MOXD1: variants seen among roughly 807,000 people sequenced by gnomAD.
MOXD1 encodes monooxygenase DBH like 1, also known as DBH-like monooxygenase protein 1.
Under a neutral mutation model 66.6 loss-of-function variants are expected in MOXD1, and 62 were observed. That is an observed-to-expected ratio of 0.93 (90% confidence interval 0.76 to 1.15). The LOEUF is 1.15. MOXD1 is among the 50% of genes most tolerant of loss of function. MOXD1 has a pLI of 0.00. For missense variants in MOXD1, 847 were observed against 754.6 expected (o/e 1.12, Z -1.44); for synonymous variants, 303 against 281.9 (o/e 1.07, Z -0.75).
chr6:132,347,186 A>C (rs1205755863), intron 4 of MOXD1, among the ~76,000 whole-genome samples: 1 of 152,184 alleles, frequency 6.6e-6, no homozygotes, highest in African/African-American at 2.4e-5. Flanking sequence ...GAAGAAATTA[A>C]CACGTATTCT....
At position 132,372,666 on chromosome 6, in the gene MOXD1, G is replaced by T; in HGVS notation, c.605C>A (p.Thr202Lys). ...QDVPIPNKDT[T>K]YWCQMFKIPV... ...AATCTTAAACATTTGGCACCAATAT[G>T]TTGTATCTTTGTTTGGGATGGGGAC... The change falls in exon 4 of 12, where the codon ACA (threonine) becomes AAA (lysine). Residue 202 changes from threonine (T) to lysine (K), a missense_variant. Coordinates refer to ENST00000367963, the MANE Select transcript of MOXD1 (RefSeq NM_015529.4). The T allele has an allele frequency of 6.2e-7, 1 of 1,613,922 alleles. No homozygotes were observed. The highest frequency in any genetic ancestry group is 8.5e-7 in the Non-Finnish European group (1 of 1,179,840).
chr6:132,392,445 A>G (rs1218099975), intron 1 of MOXD1: 3 of 1,255,892 alleles, frequency 2.4e-6, no homozygotes, highest in Non-Finnish European at 3.2e-6. Context: ...CTCAGCATTC[A>G]TCGGCTGCAT....
chr6:132,395,169 A>G (rs922042869), intron 1 of MOXD1, among the ~76,000 whole-genome samples: 1 of 152,170 alleles, frequency 6.6e-6, no homozygotes, highest in Non-Finnish European at 1.5e-5. Context: ...AAAGGAAAAA[A>G]AACTGCCAAC....
intron 9 of MOXD1, 64 bp from the exon 10 acceptor site, chr6:132,315,841 A>T (rs916026992): frequency 5.6e-5 from 85 of 1,508,152 alleles, no homozygotes; most frequent in Non-Finnish European, 7.8e-5. Flanking sequence ...TAAAGCACAC[A>T]AGTCATTAAT....
intron 1 of MOXD1, among the ~76,000 whole-genome samples, chr6:132,381,044 T>A (rs1048093404): frequency 1.3e-5 from 2 of 152,108 alleles, no homozygotes; most frequent in Non-Finnish European, 2.9e-5. Context: ...AAGAAAAAAA[T>A]AGATCTAAGA....
At chr6:132,394,524 C>G (rs903246763) in intron 1 of MOXD1, among the ~76,000 whole-genome samples, 10 of 152,068 alleles carry the variant, frequency 6.6e-5, no homozygotes, top group Middle Eastern at 3.4e-3. Flanking sequence ...TTTAAAGAAG[C>G]TCAGTAAGAC....
intron 9 of MOXD1, among the ~76,000 whole-genome samples, chr6:132,316,932 G>C (rs1446339430): frequency 6.6e-6 from 1 of 151,762 alleles, no homozygotes; most frequent in Non-Finnish European, 1.5e-5. Flanking sequence ...ACAGACCCAA[G>C]AAGCTCAACA....
intron 1 of MOXD1, among the ~76,000 whole-genome samples, chr6:132,392,862 G>A (rs563423148): frequency 2.7e-4 from 41 of 152,290 alleles, no homozygotes; most frequent in African/African-American, 9.1e-4. Context: ...AGTCAAAAAG[G>A]TTAAAATGGG....
At chr6:132,301,852 G>A (rs1237509229) in intron 10 of MOXD1, among the ~76,000 whole-genome samples, 3 of 152,080 alleles carry the variant, frequency 2.0e-5, no homozygotes. Context: ...ACAGAACTAT[G>A]ATCCCCAAAA....
At chr6:132,303,996 T>C (rs1774631799) in intron 10 of MOXD1, among the ~76,000 whole-genome samples, 1 of 150,976 alleles carries the variant, frequency 6.6e-6, no homozygotes, top group Admixed American at 6.6e-5. Flanking sequence ...AAACAGAAAA[T>C]CTTGAGATAG....
intron 10 of MOXD1, among the ~76,000 whole-genome samples, chr6:132,303,860 T>TAC (rs1774624066): frequency 1.3e-5 from 1 of 74,388 alleles, no homozygotes; most frequent in Admixed American, 1.2e-4. Context: ...TATATATATA[T>TAC]ATATATATAT....
intron 7 of MOXD1, 84 bp from the exon 8 acceptor site, chr6:132,322,954 A>T: frequency 8.4e-7 from 1 of 1,194,382 alleles, no homozygotes; most frequent in Non-Finnish European, 1.2e-6. Context: ...TTGGAGGGAC[A>T]ACTGAGATAA....
In MOXD1 at chr6:132,372,979, T is replaced by A; in HGVS notation, c.430A>T (p.Ile144Phe). Residue 144 changes from isoleucine (I) to phenylalanine (F), a missense_variant, in exon 3 of 12, where the codon ATC (isoleucine) becomes TTC (phenylalanine). By Grantham distance (21) the Ile-to-Phe change is conservative. Transcript: ENST00000367963. ...GCATCTTCATGGTGGTAGGCCCAGATCACTCTCACAGTGCTATCCTGGGGA... is the reference window on the plus strand; with the variant it reads ...GCATCTTCATGGTGGTAGGCCCAGAACACTCTCACAGTGCTATCCTGGGGA... ...KSITDSTVRV[I>F]WAYHHEDAGE... is the part of the protein sequence containing the mutation. 6.2e-7 allele frequency: 1 copy of A among 1,613,724 alleles called. No homozygotes were observed. Among genetic ancestry groups the A allele is most frequent in the South Asian group, 1.1e-5 (1 of 91,024 alleles).
chr6:132,331,012 G>T (rs775458615), intron 4 of MOXD1, among the ~76,000 whole-genome samples: 3 of 152,150 alleles, frequency 2.0e-5, no homozygotes, highest in African/African-American at 7.2e-5. Flanking sequence ...GTCTCTAAAA[G>T]GTCGTGTGGC....
At chr6:132,312,404 C>A (rs892477719) in intron 10 of MOXD1, among the ~76,000 whole-genome samples, 7 of 152,074 alleles carry the variant, frequency 4.6e-5, no homozygotes, top group African/African-American at 1.2e-4. Context: ...AAAAAAAGCA[C>A]CTAAGCCATT....
intron 4 of MOXD1, among the ~76,000 whole-genome samples, chr6:132,342,948 T>G (rs1220887670): frequency 1.3e-5 from 2 of 152,050 alleles, no homozygotes; most frequent in African/African-American, 4.8e-5. Context: ...TTATGGAGGA[T>G]GAAAAACTGC....
intron 1 of MOXD1, among the ~76,000 whole-genome samples, chr6:132,386,006 G>A (rs1357600011): frequency 6.9e-4 from 104 of 150,932 alleles, no homozygotes; most frequent in Admixed American, 1.6e-3. Flanking sequence ...GGGAGGCTGC[G>A]GCAGGAGAAT....
chr6:132,317,095 A>G (rs562012652), intron 9 of MOXD1, among the ~76,000 whole-genome samples: 2 of 152,184 alleles, frequency 1.3e-5, no homozygotes, highest in Non-Finnish European at 2.9e-5. Context: ...CTGACATTTC[A>G]TCATAAATGA....
intron 4 of MOXD1, among the ~76,000 whole-genome samples, chr6:132,370,380 C>T (rs1180407314): frequency 2.0e-5 from 3 of 151,966 alleles, no homozygotes; most frequent in Non-Finnish European, 2.9e-5. Flanking sequence ...TTTTGAAAGG[C>T]TGCCTTAAAA....
Sources: gnomAD v4.1 joint callset for allele counts (sites outside exome capture counted in the v4.1 genomes callset) on GRCh38, gnomAD v4.1.1 for gene constraint, MANE v1.5 for transcripts, NCBI Gene and HGNC (gene_info 2026-07-23, HGNC 2026-07-21) for gene names.